RALYL: variants seen among roughly 807,000 people sequenced by gnomAD.
RALYL encodes RNA-binding Raly-like protein.
RALYL carries 29 observed loss-of-function variants against 35.1 expected under a neutral mutation model. The ratio of observed to expected loss-of-function variants is 0.83; its 90% CI spans 0.61 to 1.13. The LOEUF is 1.13. RALYL is among the 50% of genes most tolerant of loss of function. The probability of loss-of-function intolerance (pLI) is 0.00; values close to 1 mark genes in which losing one functional copy is unlikely to be tolerated. For missense variants in RALYL, 359 were observed against 360.4 expected, an observed-to-expected ratio of 1.00 and a Z score of 0.03; for synonymous variants, 120 against 127.6, an observed-to-expected ratio of 0.94 and a Z score of 0.40.
intron 1 of RALYL, among the ~76,000 whole-genome samples, chr8:84,274,900 A>G (rs1835057415): frequency 6.6e-6 from 1 of 152,112 alleles, no homozygotes; most frequent in Non-Finnish European, 1.5e-5. Flanking sequence ...CTACCATCAG[A>G]GTGAAAAAAT....
chr8:84,675,931 C>T lies in RALYL; in HGVS notation c.257-98648C>T, dbSNP rs145277798. On this transcript the variant is annotated intron_variant, in intron 2 of 8. Transcript: ENST00000521268. ...TATTATTGGTCACCAACAAAAAGAG[C>T]ACATGAATTGGTGAATCTTAACTAA... Among the ~76,000 whole-genome samples the T allele has an allele frequency of 5.3e-3, 808 of 152,166 alleles. 3 individuals carry two copies. The highest frequency in any genetic ancestry group is 0.023 in the South Asian group (110 of 4,820).
At chr8:84,510,737 G>A (rs561849661) in intron 1 of RALYL, among the ~76,000 whole-genome samples, 1 of 152,138 alleles carries the variant, frequency 6.6e-6, no homozygotes, top group East Asian at 1.9e-4. Flanking sequence ...TTGAACCTGG[G>A]AGGTGGAGGT....
chr8:84,703,787 G>T (rs184121525), intron 2 of RALYL, among the ~76,000 whole-genome samples: 64 of 152,098 alleles, frequency 4.2e-4, no homozygotes, highest in African/African-American at 1.4e-3. Flanking sequence ...CACAGTTTTC[G>T]TGCCTTGTTG....
intron 1 of RALYL, among the ~76,000 whole-genome samples, chr8:84,463,867 C>T (rs1047119532): frequency 2.0e-5 from 3 of 151,880 alleles, no homozygotes; most frequent in Non-Finnish European, 2.9e-5. Flanking sequence ...TAGAACAATG[C>T]CATCACCCCA....
chr8:84,803,068 GATGTAGTGT>G (rs1236479389), intron 3 of RALYL, among the ~76,000 whole-genome samples: 2 of 152,166 alleles, frequency 1.3e-5, no homozygotes, highest in African/African-American at 4.8e-5. Context: ...CAAGGGGGAC[GATGTAGTGT>G]ATAGAAAATG....
intron 1 of RALYL, among the ~76,000 whole-genome samples, chr8:84,401,114 C>T (rs1364005164): frequency 2.0e-5 from 3 of 152,144 alleles, no homozygotes; most frequent in Non-Finnish European, 4.4e-5. Flanking sequence ...ATCACTGAGA[C>T]TGATTAATCA....
At chr8:84,732,668 T>TTATATATATATATATATGTGTATATA (rs1554553641) in intron 2 of RALYL, among the ~76,000 whole-genome samples, 1 of 132,492 alleles carries the variant, frequency 7.5e-6, no homozygotes, top group African/African-American at 3.2e-5. Context: ...TATTAAATAA[T>TTATATATATATATATATGTGTATATA]TATATATATA....
At chr8:84,793,927 A>G (rs1157755066) in intron 3 of RALYL, among the ~76,000 whole-genome samples, 5 of 152,226 alleles carry the variant, frequency 3.3e-5, no homozygotes, top group Non-Finnish European at 5.9e-5. Context: ...AAACACACGT[A>G]AAAATGAGTT....
chr8:84,781,603 T>A (rs529406203), intron 3 of RALYL, among the ~76,000 whole-genome samples: 1 of 152,218 alleles, frequency 6.6e-6, no homozygotes, highest in Non-Finnish European at 1.5e-5. Flanking sequence ...TTACTATTTG[T>A]TTGGTTTGAC....
chr8:84,753,399 T>C (rs1305904775), intron 2 of RALYL, among the ~76,000 whole-genome samples: 2 of 152,114 alleles, frequency 1.3e-5, no homozygotes, highest in Admixed American at 1.3e-4. Context: ...CTAGAATGGG[T>C]TAAGACTTTG....
At chr8:84,876,538 A>T (rs17736438) in intron 7 of RALYL, among the ~76,000 whole-genome samples, 1 of 152,008 alleles carries the variant, frequency 6.6e-6, no homozygotes, top group South Asian at 2.1e-4. Context: ...TGTTAAGTGA[A>T]CAAAAACAGT....
Position 84,774,669 on chromosome 8 carries a change from ACT to A in RALYL, c.332+16_332+17del. Reference sequence around the variant, plus strand: ...GCACTTTACAGGTAAGTAGATAAGCACTGTTTTACTCTATATATTAGTGAAAT... The same window carrying A: ...GCACTTTACAGGTAAGTAGATAAGCAGTTTTACTCTATATATTAGTGAAAT... On this transcript the variant is annotated intron_variant, in intron 3 of 8. Transcript: ENST00000521268. The A allele has an allele frequency of 1.9e-6, 3 of 1,565,330 alleles. No individual in the cohort carries two copies. In the South Asian group the frequency reaches 3.4e-5, roughly 18 times the overall value.
At chr8:84,738,488 G>T (rs1417049400) in intron 2 of RALYL, among the ~76,000 whole-genome samples, 1 of 151,960 alleles carries the variant, frequency 6.6e-6, no homozygotes, top group Non-Finnish European at 1.5e-5. Context: ...ACTTAGATTT[G>T]CATCACTGGC....
chr8:84,779,098 A>G (rs2133676136), intron 3 of RALYL, among the ~76,000 whole-genome samples: 1 of 152,334 alleles, frequency 6.6e-6, no homozygotes, highest in African/African-American at 2.4e-5. Context: ...CCTAATGGTG[A>G]ATAGCTAATC....
chr8:84,728,044 G>A (rs1331516369), intron 2 of RALYL, among the ~76,000 whole-genome samples: 9 of 151,660 alleles, frequency 5.9e-5, no homozygotes, highest in South Asian at 2.1e-4. Context: ...CTGAGGAATC[G>A]CCACACTGAC....
At chr8:84,671,126 A>C (rs1431717759) in intron 2 of RALYL, among the ~76,000 whole-genome samples, 1 of 152,168 alleles carries the variant, frequency 6.6e-6, no homozygotes, top group Non-Finnish European at 1.5e-5. Flanking sequence ...TCCAAAATCC[A>C]GCAGGGCAGT....
At chr8:84,481,153 A>C (rs939581273) in intron 1 of RALYL, among the ~76,000 whole-genome samples, 1 of 152,206 alleles carries the variant, frequency 6.6e-6, no homozygotes, top group Non-Finnish European at 1.5e-5. Context: ...GAACAGGTCA[A>C]TTTTTAAGAG....
chr8:84,516,719 A>G lies in RALYL; in HGVS notation c.-23-12580A>G, dbSNP rs148765632. Among the ~76,000 whole-genome samples the G allele has an allele frequency of 4.0e-3, 604 of 152,228 alleles. 3 individuals carry two copies. Among genetic ancestry groups the G allele is most frequent in the African/African-American group, 5.7e-3 (236 of 41,538 alleles). On this transcript the variant is annotated intron_variant, in intron 1 of 8. Coordinates refer to ENST00000521268, the MANE Select transcript of RALYL (RefSeq NM_173848.7). ...ATCAAGTCTGCATTAAGATATCCCAATGCAAGAGGGTATCTGTCTCTGTTC... is the reference window on the plus strand; with the variant it reads ...ATCAAGTCTGCATTAAGATATCCCAGTGCAAGAGGGTATCTGTCTCTGTTC...
At chr8:84,803,642 T>TA (rs1195105496) in intron 3 of RALYL, among the ~76,000 whole-genome samples, 1 of 152,202 alleles carries the variant, frequency 6.6e-6, no homozygotes, top group African/African-American at 2.4e-5. Context: ...ACTTGCTTCC[T>TA]AAAAATCCCT....
Sources: allele counts gnomAD v4.1 joint callset (sites outside exome capture counted in the v4.1 genomes callset), GRCh38; gene constraint gnomAD v4.1.1; transcripts MANE v1.5; gene names NCBI Gene and HGNC (gene_info 2026-07-23, HGNC 2026-07-21).